The following NBEA variants were observed in gnomAD, a reference collection of about 807,000 sequenced individuals.
NBEA encodes the protein lysosomal-trafficking regulator 2.
Under a neutral mutation model 343.4 loss-of-function variants are expected in NBEA, and 44 were observed. The ratio of observed to expected loss-of-function variants is 0.13; its 90% CI spans 0.10 to 0.16. The LOEUF (loss-of-function observed/expected upper bound fraction) is 0.16, where lower values mean the gene tolerates loss of function less well. Among genes scored for constraint, NBEA ranks in the 10% least tolerant of loss-of-function variants. NBEA has a pLI of 1.00. For missense variants in NBEA, 2,555 were observed against 3,631.3 expected (o/e 0.70, Z 7.62); for synonymous variants, 1,175 against 1,238.7 (o/e 0.95, Z 1.08).
rs141706828 is a variant in NBEA at position 35,512,743 on chromosome 13, A to G, written c.6586-37734A>G. On this transcript the variant is annotated intron_variant, in intron 41 of 58. Transcript: ENST00000379939. Reference sequence around the variant, plus strand: ...AAAGAATCTGACTCATTCTACTCCTATTTTTTAGTCAGGCCAAACCACGGA... The same window carrying G: ...AAAGAATCTGACTCATTCTACTCCTGTTTTTTAGTCAGGCCAAACCACGGA... 3.3e-4 allele frequency among the ~76,000 whole-genome samples: 50 copies of G among 152,152 alleles called. 1 individual carries two copies. The East Asian group carries it at 7.9e-3, about 24-fold the overall frequency.
At chr13:35,056,926 C>T (rs886699472) in intron 7 of NBEA, among the ~76,000 whole-genome samples, 10 of 151,982 alleles carry the variant, frequency 6.6e-5, no homozygotes, top group Non-Finnish European at 1.5e-4. Context: ...TCACTTAAAT[C>T]GCTTATTATA....
chr13:35,312,462 T>C (rs943472635), intron 36 of NBEA, among the ~76,000 whole-genome samples: 29 of 152,168 alleles, frequency 1.9e-4, no homozygotes, highest in African/African-American at 6.3e-4. Context: ...CCAGCAGCTA[T>C]TTAAATGCAT....
chr13:34,974,051 G>A (rs1341616169), intron 1 of NBEA, among the ~76,000 whole-genome samples: 1 of 152,152 alleles, frequency 6.6e-6, no homozygotes, highest in Non-Finnish European at 1.5e-5. Flanking sequence ...AAAGATCCGT[G>A]GGAGAAGCAT....
intron 2 of NBEA, among the ~76,000 whole-genome samples, chr13:35,041,560 T>C (rs190809435): frequency 1.5e-3 from 228 of 152,154 alleles, no homozygotes; most frequent in African/African-American, 5.3e-3. Context: ...TGCCCCTCAA[T>C]CTGGCATATA....
At position 35,039,301 on chromosome 13, in the gene NBEA, C is replaced by T. The variant is rs112324170; in HGVS notation, c.295-1632C>T. Among the ~76,000 whole-genome samples the T allele has an allele frequency of 6.4e-3, 973 of 152,174 alleles. 11 individuals are homozygous for T. The highest frequency in any genetic ancestry group is 0.022 in the African/African-American group (930 of 41,512). ...CTTTTCAGTGTCTCTTTCAGTGATA[C>T]GAGGTTAAAACCAGGTTCTGTGGGT... On this transcript the variant is annotated intron_variant, in intron 1 of 58. Transcript: ENST00000379939.
At chr13:35,033,928 A>G (rs1001245844) in intron 1 of NBEA, among the ~76,000 whole-genome samples, 4 of 151,716 alleles carry the variant, frequency 2.6e-5, no homozygotes, top group African/African-American at 9.7e-5. Context: ...TTTTTCAGGT[A>G]TAAGATTCTA....
At chr13:35,538,428 G>A (rs960454067) in intron 41 of NBEA, among the ~76,000 whole-genome samples, 9 of 152,104 alleles carry the variant, frequency 5.9e-5, no homozygotes, top group East Asian at 5.8e-4. Context: ...GAATTTATAC[G>A]CTACTGATAA....
chr13:35,044,815 CATAT>C (rs71196573), intron 2 of NBEA, 128 bp from the exon 3 acceptor site: 18 of 367,912 alleles, frequency 4.9e-5, no homozygotes, highest in South Asian at 1.7e-4. Context: ...GTATTAGATA[CATAT>C]ATATATATAT....
At chr13:35,576,876 T>G (rs989043577) in intron 45 of NBEA, among the ~76,000 whole-genome samples, 1 of 152,218 alleles carries the variant, frequency 6.6e-6, no homozygotes, top group Non-Finnish European at 1.5e-5. Context: ...AAAATAGTTT[T>G]TGTTTGACAT....
intron 47 of NBEA, among the ~76,000 whole-genome samples, chr13:35,602,894 T>TC (rs1326415049): frequency 1.3e-5 from 2 of 152,184 alleles, no homozygotes; most frequent in African/African-American, 4.8e-5. Context: ...GGCCAGCTGT[T>TC]AGTGCCCTTC....
Position 34,954,640 on chromosome 13 carries a change from C to T in NBEA, c.294+11526C>T, listed in dbSNP as rs140501981. ...CCATGGAAGATTGGTTTCAGGACCC[C>T]TCAGGATACCAAAATCCATGGATGC... On this transcript the variant is annotated intron_variant, in intron 1 of 58. Coordinates refer to ENST00000379939, the MANE Select transcript of NBEA (RefSeq NM_001385012.1). Among the ~76,000 whole-genome samples the T allele has an allele frequency of 3.8e-3, 572 of 152,244 alleles. 3 individuals carry two copies. The highest frequency in any genetic ancestry group is 0.013 in the African/African-American group (552 of 41,532).
At chr13:35,249,493 C>T (rs1371181586) in intron 34 of NBEA, among the ~76,000 whole-genome samples, 1 of 151,788 alleles carries the variant, frequency 6.6e-6, no homozygotes, top group African/African-American at 2.4e-5. Flanking sequence ...TCATTAAGCA[C>T]AAGAAGAAAC....
Position 35,211,278 on chromosome 13 carries a change from GTTAA to G in NBEA, c.5648+103_5648+106del, listed in dbSNP as rs775335231. On this transcript the variant is annotated intron_variant, in intron 33 of 58. Transcript: ENST00000379939. Reference sequence around the variant, plus strand: ...ATAGAAAGAGTTCTTGAGAATGAAGGTTAATTATTTTGTGATTACATTTCACAAT... The same window carrying G: ...ATAGAAAGAGTTCTTGAGAATGAAGGTTATTTTGTGATTACATTTCACAAT... 4.2e-5 allele frequency: 44 copies of G among 1,057,732 alleles called. No homozygotes were observed. In the East Asian group the frequency reaches 6.0e-4, roughly 14 times the overall value. The allele number at this position is 1,057,732 out of a possible 1,614,324, so 65.5% of individuals were successfully genotyped here.
chr13:34,976,444 G>A lies in NBEA; in HGVS notation c.294+33330G>A, dbSNP rs2060176806. 1.3e-5 allele frequency among the ~76,000 whole-genome samples: 2 copies of A among 152,204 alleles called. 1 individual carries two copies. Among genetic ancestry groups the A allele is most frequent in the South Asian group, 4.2e-4 (2 of 4,816 alleles). ...GGGCAAAGAATGGGGGGTGGCAAAG[G>A]ATAAAAGACTGCACATGGGGTACAG... On this transcript the variant is annotated intron_variant, in intron 1 of 58. Coordinates refer to ENST00000379939, the MANE Select transcript of NBEA (RefSeq NM_001385012.1).
At chr13:35,123,276 C>T (rs2066901087) in intron 16 of NBEA, among the ~76,000 whole-genome samples, 1 of 152,088 alleles carries the variant, frequency 6.6e-6, no homozygotes, top group South Asian at 2.1e-4. Flanking sequence ...AGTCACATTG[C>T]CCTTTTGAGT....
intron 41 of NBEA, among the ~76,000 whole-genome samples, chr13:35,540,891 A>C (rs967657444): frequency 6.6e-6 from 1 of 152,220 alleles, no homozygotes; most frequent in South Asian, 2.1e-4. Flanking sequence ...ACTAATGAAT[A>C]TAAAATACAA....
rs2059065971 is a variant in NBEA at position 34,942,702 on chromosome 13, C to A, written c.-119C>A. 1.3e-6 allele frequency: 1 copy of A among 753,730 alleles called. No individual in the cohort carries two copies. The highest frequency in any genetic ancestry group is 1.8e-6 in the Non-Finnish European group (1 of 556,022). The allele number at this position is 753,730 out of a possible 1,614,324, so 46.7% of individuals were successfully genotyped here. A position where few individuals can be genotyped will look rare whatever the true frequency, so the allele number is the denominator to read the frequency against. On this transcript the variant is annotated 5_prime_UTR_variant, in exon 1 of 59. Transcript: ENST00000379939. ...CAGGCGGGGAGCGGGCCCGGCGCCG[C>A]GGCGCTGGTGGATGCTGGGGCTCCG...
chr13:35,546,335 C>G (rs1396697103), intron 41 of NBEA, among the ~76,000 whole-genome samples: 1 of 151,962 alleles, frequency 6.6e-6, no homozygotes, highest in Non-Finnish European at 1.5e-5. Context: ...TTTGGTGGCA[C>G]ACGCCTGTAG....
chr13:35,323,111 A>G (rs1304941292), intron 36 of NBEA, among the ~76,000 whole-genome samples: 1 of 152,136 alleles, frequency 6.6e-6, no homozygotes, highest in Non-Finnish European at 1.5e-5. Flanking sequence ...CAGCCTCCCA[A>G]AGTGCTGGGA....
Sources: gnomAD v4.1 joint callset for allele counts (sites outside exome capture counted in the v4.1 genomes callset) on GRCh38, gnomAD v4.1.1 for gene constraint, MANE v1.5 for transcripts, NCBI Gene and HGNC (gene_info 2026-07-23, HGNC 2026-07-21) for gene names.